The following LDLRAD3 variants were observed in gnomAD, a reference collection of about 807,000 sequenced individuals.
LDLRAD3 encodes the protein low-density lipoprotein receptor class A domain-containing protein 3.
In LDLRAD3, 20 loss-of-function variants were observed where a neutral mutation model predicts 29.4. The observed-to-expected ratio is 0.68, with a 90% CI of 0.48 to 0.99. The LOEUF is 0.99. Among genes scored for constraint, LDLRAD3 ranks in the 50% least tolerant of loss-of-function variants. The pLI is 0.00. For missense variants in LDLRAD3, 420 were observed against 454.3 expected, an observed-to-expected ratio of 0.92 and a Z score of 0.69; for synonymous variants, 157 against 192.7, an observed-to-expected ratio of 0.81 and a Z score of 1.53.
intron 3 of LDLRAD3, among the ~76,000 whole-genome samples, chr11:36,091,335 A>G (rs1853277054): frequency 6.6e-6 from 1 of 152,190 alleles, no homozygotes; most frequent in South Asian, 2.1e-4. Context: ...CCTAAGTCCT[A>G]CTGTAGACGG....
chr11:36,227,683 C>T (rs1855520148), intron 5 of LDLRAD3, among the ~76,000 whole-genome samples: 1 of 152,178 alleles, frequency 6.6e-6, no homozygotes, highest in Non-Finnish European at 1.5e-5. Flanking sequence ...GATAGTTGCA[C>T]AAATCAGGAA....
At chr11:36,082,507 C>G (rs910443453) in intron 3 of LDLRAD3, among the ~76,000 whole-genome samples, 1 of 152,154 alleles carries the variant, frequency 6.6e-6, no homozygotes, top group Non-Finnish European at 1.5e-5. Flanking sequence ...GACCCTGTCT[C>G]AGACAAAAAG....
intron 1 of LDLRAD3, among the ~76,000 whole-genome samples, chr11:35,949,136 G>A (rs1851099286): frequency 6.6e-6 from 1 of 152,124 alleles, no homozygotes; most frequent in Non-Finnish European, 1.5e-5. Context: ...ATGTTTTGTA[G>A]CCACACAGTT....
intron 4 of LDLRAD3, among the ~76,000 whole-genome samples, chr11:36,118,769 C>T (rs1853711302): frequency 6.6e-6 from 1 of 152,136 alleles, no homozygotes; most frequent in Non-Finnish European, 1.5e-5. Flanking sequence ...GCCATCCCCA[C>T]TGTCTAATTT....
At chr11:36,133,690 C>T (rs144022769) in intron 4 of LDLRAD3, among the ~76,000 whole-genome samples, 7 of 151,742 alleles carry the variant, frequency 4.6e-5, no homozygotes, top group African/African-American at 1.2e-4. Context: ...CCTGCCACCA[C>T]GCCTGGCTAA....
chr11:36,062,181 G>C (rs574487065), intron 2 of LDLRAD3, among the ~76,000 whole-genome samples: 1 of 141,188 alleles, frequency 7.1e-6, no homozygotes, highest in South Asian at 2.3e-4. Flanking sequence ...ATCCATGTCT[G>C]TTTGATTTCT....
chr11:36,028,357 A>G (rs1852193685), intron 1 of LDLRAD3, among the ~76,000 whole-genome samples: 2 of 152,218 alleles, frequency 1.3e-5, no homozygotes, highest in South Asian at 4.1e-4. Context: ...GGGAGCAGCC[A>G]GTCAACAACG....
intron 4 of LDLRAD3, among the ~76,000 whole-genome samples, chr11:36,101,502 T>G (rs1853446255): frequency 6.6e-6 from 1 of 152,212 alleles, no homozygotes; most frequent in Non-Finnish European, 1.5e-5. Flanking sequence ...ATAACAAGTA[T>G]TATTATTGTT....
At chr11:36,031,525 T>C (rs1470342058) in intron 1 of LDLRAD3, among the ~76,000 whole-genome samples, 1 of 152,152 alleles carries the variant, frequency 6.6e-6, no homozygotes, top group Non-Finnish European at 1.5e-5. Flanking sequence ...GGCTTTCTTC[T>C]TAGAGTGGTT....
chr11:36,181,184 A>G (rs1385281955), intron 4 of LDLRAD3, among the ~76,000 whole-genome samples: 1 of 151,878 alleles, frequency 6.6e-6, no homozygotes, highest in Non-Finnish European at 1.5e-5. Context: ...GCTAGTCTTT[A>G]AAATAACTAG....
At chr11:36,030,405 G>A (rs976181538) in intron 1 of LDLRAD3, among the ~76,000 whole-genome samples, 6 of 151,704 alleles carry the variant, frequency 4.0e-5, no homozygotes, top group African/African-American at 1.2e-4. Flanking sequence ...CTGCAGAGCC[G>A]CTCACTCACT....
chr11:36,064,918 A>G (rs1852767177), intron 2 of LDLRAD3, among the ~76,000 whole-genome samples: 1 of 151,852 alleles, frequency 6.6e-6, no homozygotes. Context: ...AACTGTATTG[A>G]GGTTTGTTTT....
chr11:36,159,787 G>T (rs1854411024), intron 4 of LDLRAD3, among the ~76,000 whole-genome samples: 1 of 150,846 alleles, frequency 6.6e-6, no homozygotes, highest in Admixed American at 6.6e-5. Flanking sequence ...GGAGAACTCA[G>T]GGGACAAGAA....
intron 4 of LDLRAD3, among the ~76,000 whole-genome samples, chr11:36,191,538 G>GTCTCTCTCTCTCTCTCTCTCTT (rs1854942762): frequency 7.2e-5 from 4 of 55,694 alleles, no homozygotes; most frequent in African/African-American, 3.1e-4. Flanking sequence ...GCAAGACCCT[G>GTCTCTCTCTCTCTCTCTCTCTT]TCTCTCTCTC....
chr11:36,074,007 T>C (rs1852952534), intron 2 of LDLRAD3, among the ~76,000 whole-genome samples: 1 of 152,198 alleles, frequency 6.6e-6, no homozygotes. Context: ...TTTTTGTGTG[T>C]GTGAGAACTT....
In LDLRAD3 at chr11:36,144,785, GC is replaced by G. The variant is rs1391609303; in HGVS notation, c.454+46328del. On this transcript the variant is annotated intron_variant, in intron 4 of 5. Transcript: ENST00000315571. The stretch of plus-strand genomic sequence containing the variant: ...GGGTCAGCCCCCCGCCCGGCCAGCC[GC>G]CCCGTCCGGGAGGGAGGTGGGGGGG... Among the ~76,000 whole-genome samples, 68 of 122,072 alleles carry G rather than the reference GC, an allele frequency of 5.6e-4. 1 individual carries two copies. The East Asian group carries it at 0.017, about 30-fold the overall frequency. The allele number at this position is 122,072 out of a possible 152,430, so 80.1% of individuals were successfully genotyped here. A position where few individuals can be genotyped will look rare whatever the true frequency, so the allele number is the denominator to read the frequency against.
chr11:36,082,237 G>A (rs1221632416), intron 3 of LDLRAD3, among the ~76,000 whole-genome samples: 1 of 152,146 alleles, frequency 6.6e-6, no homozygotes, highest in Admixed American at 6.5e-5. Flanking sequence ...GGCCAGGTGT[G>A]GTGGCTTGCA....
intron 4 of LDLRAD3, among the ~76,000 whole-genome samples, chr11:36,127,291 GA>G (rs1853852214): frequency 6.6e-6 from 1 of 152,166 alleles, no homozygotes; most frequent in African/African-American, 2.4e-5. Flanking sequence ...AGGTTTGAAG[GA>G]TTATCAATTA....
At chr11:36,076,367 C>T (rs557377863) in intron 2 of LDLRAD3, among the ~76,000 whole-genome samples, 6 of 151,756 alleles carry the variant, frequency 4.0e-5, no homozygotes, top group African/African-American at 1.4e-4. Context: ...ACCAAAGCCT[C>T]AGGATTCACT....
Sources: allele counts gnomAD v4.1 joint callset (sites outside exome capture counted in the v4.1 genomes callset), GRCh38; gene constraint gnomAD v4.1.1; transcripts MANE v1.5; gene names NCBI Gene and HGNC (gene_info 2026-07-23, HGNC 2026-07-21).